URB2: variants seen among roughly 807,000 people sequenced by gnomAD.
The protein encoded by URB2 is URB2 ribosome biogenesis homolog, also known as unhealthy ribosome biogenesis protein 2 homolog.
A neutral mutation model predicts 120.9 loss-of-function variants in URB2; 86 were observed. The observed-to-expected ratio is 0.71, with a 90% CI of 0.60 to 0.85. The LOEUF is 0.85. URB2 is among the 40% of genes least tolerant of loss of function. URB2 has a pLI of 0.00. For synonymous variants in URB2, 755 were observed against 758.4 expected, an observed-to-expected ratio of 1.00 and a Z score of 0.07; for missense variants, 1,765 against 1,836.5, an observed-to-expected ratio of 0.96 and a Z score of 0.71.
At position 229,635,986 on chromosome 1, in the gene URB2, A is replaced by G. The variant is rs1382645671; in HGVS notation, c.1373A>G (p.Gln458Arg). The G allele has an allele frequency of 1.9e-6, 3 of 1,613,954 alleles. No homozygotes were observed. Among genetic ancestry groups the G allele is most frequent in the African/African-American group, 1.3e-5 (1 of 74,944 alleles). ...GAGGCGCTTATTCGTACTGTCTTCC[A>G]GACTTATGCCAAACTCCGACAAGTG... is the stretch of plus-strand genomic sequence containing the variant. The part of the protein sequence containing the change: ...AQEALIRTVF[Q>R]TYAKLRQVPR... The change falls in exon 4 of 10, where the codon CAG (glutamine) becomes CGG (arginine). Residue 458 changes from glutamine (Q) to arginine (R), a missense_variant. Transcript: ENST00000258243.
At position 229,637,856 on chromosome 1, in the gene URB2, A is replaced by C; in HGVS notation, c.3243A>C (p.Pro1081=). The change falls in exon 4 of 10, where the codon CCA becomes CCC. Residue 1081 remains proline, a synonymous_variant. Transcript: ENST00000258243. ...LKEQKLGQEA[P]AALSELLQQV... ...AGCAGAAGCTGGGCCAAGAGGCCCCAGCAGCACTGTCTGAGCTGCTGCAGC... is the reference window on the plus strand; with the variant it reads ...AGCAGAAGCTGGGCCAAGAGGCCCCCGCAGCACTGTCTGAGCTGCTGCAGC... The C allele has an allele frequency of 1.2e-6, 2 of 1,604,046 alleles. No homozygotes were observed. Among genetic ancestry groups the C allele is most frequent in the African/African-American group, 1.3e-5 (1 of 74,472 alleles).
At position 229,627,614 on chromosome 1, in the gene URB2, A is replaced by G. The variant is rs1276339167; in HGVS notation, c.-13-7A>G. 2 of 1,600,298 alleles carry G rather than the reference A, an allele frequency of 1.2e-6. No individual in the cohort carries two copies. The highest frequency in any genetic ancestry group is 1.7e-6 in the Non-Finnish European group (2 of 1,175,580). ...GTATTTTTTTTCCCATTGTTTTTAA[A>G]TTTTAGATAAAGCCTAGCCATGGCT... On this transcript the variant is annotated splice_polypyrimidine_tract_variant and splice_region_variant and intron_variant, in intron 1 of 9. Coordinates refer to ENST00000258243, the MANE Select transcript of URB2 (RefSeq NM_014777.4).
chr1:229,632,598 C>T (rs571959739), intron 3 of URB2, among the ~76,000 whole-genome samples, 153 bp downstream of exon 3: 10 of 152,148 alleles, frequency 6.6e-5, no homozygotes, highest in Non-Finnish European at 2.9e-5. Context: ...AAAATAGTAA[C>T]TATTGAATGT....
At chr1:229,645,721 C>G (rs1228928002) in intron 5 of URB2, 138 bp from the exon 6 acceptor site, 7 of 737,944 alleles carry the variant, frequency 9.5e-6, no homozygotes, top group African/African-American at 1.7e-5. Flanking sequence ...CCAAGCAGGC[C>G]TTGTCCACCT....
chr1:229,644,768 G>C (rs1666097234), intron 5 of URB2, among the ~76,000 whole-genome samples: 1 of 152,134 alleles, frequency 6.6e-6, no homozygotes, highest in Non-Finnish European at 1.5e-5. Flanking sequence ...CAGCATTCGG[G>C]GAGAAAGGGA....
At chr1:229,649,176 G>A (rs1666215442) in intron 7 of URB2, among the ~76,000 whole-genome samples, 1 of 152,072 alleles carries the variant, frequency 6.6e-6, no homozygotes, top group Non-Finnish European at 1.5e-5. Flanking sequence ...ATACTTTTAA[G>A]TGTTTTGATG....
chr1:229,638,018 A>G lies in URB2; in HGVS notation c.3405A>G (p.Gly1135=). Residue 1135 remains glycine, a synonymous_variant, in exon 4 of 10, where the codon GGA becomes GGG. Transcript: ENST00000258243. The part of the protein sequence containing the change: ...EADLGQHCRD[G]GADISQGSDR... ...ACCTGGGTCAGCACTGCAGGGATGG[A>G]GGGGCCGACATTTCCCAAGGAAGCG... is the stretch of plus-strand genomic sequence containing the variant. The G allele has an allele frequency of 6.2e-7, 1 of 1,613,056 alleles. No homozygotes were observed. Among genetic ancestry groups the G allele is most frequent in the East Asian group, 2.2e-5 (1 of 44,846 alleles).
Position 229,635,776 on chromosome 1 carries a change from G to T in URB2, c.1163G>T (p.Arg388Leu). 1.2e-6 allele frequency: 2 copies of T among 1,614,182 alleles called. No homozygotes were observed. The highest frequency in any genetic ancestry group is 1.7e-6 in the Non-Finnish European group (2 of 1,180,036). ...DRIRHEEAQF[R>L]FYRHVAELLI... ...ATTCGGCACGAAGAGGCTCAGTTCCGCTTTTACCGCCACGTGGCTGAGCTG... is the reference window on the plus strand; with the variant it reads ...ATTCGGCACGAAGAGGCTCAGTTCCTCTTTTACCGCCACGTGGCTGAGCTG... The change falls in exon 4 of 10, where the codon CGC (arginine) becomes CTC (leucine). Residue 388 changes from arginine (R) to leucine (L), a missense_variant. Arg to Leu is a moderately radical substitution (Grantham distance 102). Transcript: ENST00000258243.
intron 9 of URB2, among the ~76,000 whole-genome samples, chr1:229,654,983 C>T (rs1041210907): frequency 6.6e-6 from 1 of 152,138 alleles, no homozygotes; most frequent in African/African-American, 2.4e-5. Flanking sequence ...TCTCATAGGA[C>T]CAGGCTTAAT....
At chr1:229,634,617 T>C (rs59428852) in intron 3 of URB2, among the ~76,000 whole-genome samples, 81,039 of 151,962 alleles carry the variant, frequency 0.53, 21,829 homozygotes, top group East Asian at 0.77. Flanking sequence ...TGACATTTGG[T>C]ATTTAAGCCC....
chr1:229,628,187 T>TTATATATGTATATATATTATACATATAC (rs1665569644), intron 2 of URB2, among the ~76,000 whole-genome samples: 1 of 67,578 alleles, frequency 1.5e-5, no homozygotes, highest in African/African-American at 4.9e-5. Context: ...ATATAATATA[T>TTATATATGTATATATATTATACATATAC]ATAATATATA....
At position 229,654,368 on chromosome 1, in the gene URB2, T is replaced by A; in HGVS notation, c.4357T>A (p.Tyr1453Asn). The A allele has an allele frequency of 6.2e-7, 1 of 1,614,124 alleles. No individual in the cohort carries two copies. The highest frequency in any genetic ancestry group is 8.5e-7 in the Non-Finnish European group (1 of 1,180,022). The change falls in exon 9 of 10, where the codon TAC (tyrosine) becomes AAC (asparagine). Residue 1453 changes from tyrosine (Y) to asparagine (N), a missense_variant. Tyr to Asn is a moderately radical substitution (Grantham distance 143, BLOSUM62 -2). Transcript: ENST00000258243. ...GTTTTCCCCATTTATGGTGGCCCAGTACGTGTTGGAGGTACAGAAGGTAAA... is the reference window on the plus strand; with the variant it reads ...GTTTTCCCCATTTATGGTGGCCCAGAACGTGTTGGAGGTACAGAAGGTAAA... ...AVFSPFMVAQ[Y>N]VLEVQKVTLY...
chr1:229,658,052 A>C (rs576815950), intron 9 of URB2, among the ~76,000 whole-genome samples: 2 of 152,322 alleles, frequency 1.3e-5, no homozygotes, highest in African/African-American at 4.8e-5. Context: ...ATCTAGTATA[A>C]GGTGAATTTT....
At chr1:229,649,127 T>C (rs1189030972) in intron 7 of URB2, among the ~76,000 whole-genome samples, 1 of 152,164 alleles carries the variant, frequency 6.6e-6, no homozygotes, top group African/African-American at 2.4e-5. Context: ...TATTGTTTTG[T>C]AGTGCATGGC....
Position 229,637,511 on chromosome 1 carries a change from T to C in URB2, c.2898T>C (p.Tyr966=). 6.2e-7 allele frequency: 1 copy of C among 1,614,224 alleles called. No individual in the cohort carries two copies. The highest frequency in any genetic ancestry group is 1.1e-5 in the South Asian group (1 of 91,092). Residue 966 remains tyrosine (Y), a synonymous_variant, in exon 4 of 10, where the codon TAT becomes TAC. Coordinates refer to ENST00000258243, the MANE Select transcript of URB2 (RefSeq NM_014777.4). ...CTCGCTCTGTGTTCAAGATCATGTA[T>C]GGTAGTGATATTTTTGAGGTTGTAC... The part of the protein sequence containing the change: ...KSARSVFKIM[Y]GSDIFEVVLT...
rs982450875 is a variant in URB2 at position 229,636,518 on chromosome 1, A to T, written c.1905A>T (p.Ile635=). ...ATCACTCTATGTCTGGGCCCCTTAT[A>T]GGTGTTGCTCTGGAGATCTCGAACC... ...SQYHSMSGPL[I]GVALEISNLP... is the part of the protein sequence containing the mutation. The change falls in exon 4 of 10, where the codon ATA becomes ATT. Residue 635 remains isoleucine, a synonymous_variant. Coordinates refer to ENST00000258243, the MANE Select transcript of URB2 (RefSeq NM_014777.4). 6.2e-7 allele frequency: 1 copy of T among 1,614,196 alleles called. No homozygotes were observed. Among genetic ancestry groups the T allele is most frequent in the South Asian group, 1.1e-5 (1 of 91,076 alleles).
At chr1:229,646,587 T>A (rs1323460144) in intron 6 of URB2, among the ~76,000 whole-genome samples, 3 of 152,224 alleles carry the variant, frequency 2.0e-5, no homozygotes, top group Admixed American at 2.0e-4. Flanking sequence ...TGTGTGTGTG[T>A]TTAAGGCCTA....
In URB2 at chr1:229,628,163, T is replaced by TGTATATATATTATACATATAC. The variant is rs1435058224; in HGVS notation, c.126+404_126+405insGTATATATATTATACATATAC. ...ATATATATAATATATATAGTATATG[T>TGTATATATATTATACATATAC]ATAGTATATATGTATATAATATATA... On this transcript the variant is annotated intron_variant, in intron 2 of 9. Coordinates refer to ENST00000258243, the MANE Select transcript of URB2 (RefSeq NM_014777.4). 7.6e-4 allele frequency among the ~76,000 whole-genome samples: 83 copies of TGTATATATATTATACATATAC among 109,402 alleles called. 1 individual carries two copies. Among genetic ancestry groups the TGTATATATATTATACATATAC allele is most frequent in the African/African-American group, 2.9e-3 (78 of 26,756 alleles). 71.8% of individuals were successfully genotyped at this position (109,402 alleles called of 152,430 possible).
intron 7 of URB2, 132 bp from the exon 8 acceptor site, chr1:229,651,103 C>T (rs1384350932): frequency 1.4e-5 from 10 of 703,950 alleles, no homozygotes; most frequent in Non-Finnish European, 1.9e-5. Context: ...TGTGGCTATC[C>T]CTGGGCACAC....
Sources: gnomAD v4.1 joint callset for allele counts (sites outside exome capture counted in the v4.1 genomes callset) on GRCh38, gnomAD v4.1.1 for gene constraint, MANE v1.5 for transcripts, NCBI Gene and HGNC (gene_info 2026-07-23, HGNC 2026-07-21) for gene names.